Variants in CADM2 observed in about 807,000 individuals in gnomAD.
CADM2 encodes cell adhesion molecule 2, also known as immunoglobulin superfamily member 4D.
In CADM2, 12 loss-of-function variants were observed where a neutral mutation model predicts 49.8. That is an observed-to-expected ratio of 0.24 (90% CI 0.15 to 0.39). The LOEUF is 0.39. Among genes scored for constraint, CADM2 ranks in the 10% least tolerant of loss-of-function variants. CADM2 has a pLI of 1.00. For synonymous variants in CADM2, 214 were observed against 175.4 expected (o/e 1.22, Z -1.74); for missense variants, 378 against 492.3 (o/e 0.77, Z 2.20).
chr3:85,953,158 C>T (rs560255276), intron 7 of CADM2, among the ~76,000 whole-genome samples: 1 of 150,910 alleles, frequency 6.6e-6, no homozygotes, highest in South Asian at 2.1e-4. Context: ...TGGTGTTAAA[C>T]TAAAATAATA....
At chr3:85,408,512 G>A (rs541025847) in intron 1 of CADM2, among the ~76,000 whole-genome samples, 5 of 152,248 alleles carry the variant, frequency 3.3e-5, no homozygotes, top group African/African-American at 7.2e-5. Context: ...GTGAAATTGC[G>A]TAGCAACTAC....
chr3:85,444,445 A>T (rs932131655), intron 1 of CADM2, among the ~76,000 whole-genome samples: 5 of 147,404 alleles, frequency 3.4e-5, no homozygotes, highest in Non-Finnish European at 7.6e-5. Flanking sequence ...CTACACACTC[A>T]CACACACACA....
chr3:85,044,463 G>A (rs2035570395), intron 1 of CADM2, among the ~76,000 whole-genome samples: 1 of 152,270 alleles, frequency 6.6e-6, no homozygotes, highest in South Asian at 2.1e-4. Flanking sequence ...GGAAGGATCT[G>A]TTCTCTCTGC....
At chr3:85,746,308 A>G (rs80136075) in intron 2 of CADM2, among the ~76,000 whole-genome samples, 2 of 152,270 alleles carry the variant, frequency 1.3e-5, no homozygotes, top group African/African-American at 4.8e-5. Flanking sequence ...GATCATTAGC[A>G]CTGTTATCTT....
At chr3:85,383,041 C>T (rs917992977) in intron 1 of CADM2, among the ~76,000 whole-genome samples, 12 of 152,122 alleles carry the variant, frequency 7.9e-5, no homozygotes, top group African/African-American at 2.9e-4. Flanking sequence ...AGCTGAGTCT[C>T]AGCTAATCCC....
intron 1 of CADM2, among the ~76,000 whole-genome samples, chr3:85,083,251 G>A (rs1391772518): frequency 6.6e-6 from 1 of 152,098 alleles, no homozygotes; most frequent in Admixed American, 6.6e-5. Context: ...AGGTCAGAAA[G>A]GGGTAAAATT....
chr3:86,013,853 C>G, intron 8 of CADM2: 1 of 1,593,836 alleles, frequency 6.3e-7, no homozygotes, highest in Non-Finnish European at 8.6e-7. Flanking sequence ...GATTTTCTTC[C>G]AAAATGAAAG....
At chr3:85,360,188 G>A (rs1284483661) in intron 1 of CADM2, among the ~76,000 whole-genome samples, 4 of 152,074 alleles carry the variant, frequency 2.6e-5, no homozygotes, top group Admixed American at 1.3e-4. Context: ...ACTAAAGATA[G>A]CATTGAAAAC....
chr3:85,372,540 A>C (rs2033326478), intron 1 of CADM2, among the ~76,000 whole-genome samples: 1 of 151,992 alleles, frequency 6.6e-6, no homozygotes. Flanking sequence ...TCTAGAAACA[A>C]TTTTAACTAG....
intron 1 of CADM2, among the ~76,000 whole-genome samples, chr3:85,448,712 G>A (rs1559845687): frequency 6.6e-6 from 1 of 151,934 alleles, no homozygotes; most frequent in South Asian, 2.1e-4. Context: ...GGCACCAGTC[G>A]TCTCAGTACT....
intron 1 of CADM2, among the ~76,000 whole-genome samples, chr3:85,060,237 T>A (rs934995434): frequency 6.6e-6 from 1 of 152,122 alleles, no homozygotes; most frequent in Non-Finnish European, 1.5e-5. Context: ...TTCAAGTGAT[T>A]CTCCTGCCTA....
chr3:85,831,088 G>T (rs1459910898), intron 3 of CADM2, among the ~76,000 whole-genome samples: 1 of 151,776 alleles, frequency 6.6e-6, no homozygotes, highest in Non-Finnish European at 1.5e-5. Context: ...AGAACCTGTG[G>T]TATTTGGTTT....
At chr3:85,027,941 G>A (rs2034807728) in intron 1 of CADM2, among the ~76,000 whole-genome samples, 1 of 151,974 alleles carries the variant, frequency 6.6e-6, no homozygotes, top group Non-Finnish European at 1.5e-5. Context: ...TTTTAAAACA[G>A]ATACCATTTA....
intron 1 of CADM2, among the ~76,000 whole-genome samples, chr3:85,007,854 A>T (rs1175918330): frequency 6.6e-6 from 1 of 152,236 alleles, no homozygotes; most frequent in South Asian, 2.1e-4. Flanking sequence ...GAGATGACAA[A>T]TCTGTGTTAG....
At chr3:85,437,839 C>G (rs954834976) in intron 1 of CADM2, among the ~76,000 whole-genome samples, 1 of 151,802 alleles carries the variant, frequency 6.6e-6, no homozygotes, top group Non-Finnish European at 1.5e-5. Flanking sequence ...TTTCCTTCTT[C>G]TTAAACTATG....
intron 1 of CADM2, among the ~76,000 whole-genome samples, chr3:85,229,551 G>A (rs1286214273): frequency 1.3e-5 from 2 of 152,188 alleles, no homozygotes; most frequent in African/African-American, 4.8e-5. Flanking sequence ...ATTGCTAGGA[G>A]CTGCAGACCA....
chr3:85,568,453 T>TTTC lies in CADM2; in HGVS notation c.62-158068_62-158067insTCT, dbSNP rs2062354997. On this transcript the variant is annotated intron_variant, in intron 1 of 9. Coordinates refer to ENST00000383699, the MANE Select transcript of CADM2 (RefSeq NM_001167675.2). ...TTTCTTTCTTTCTTTCTTTCTTTCT[T>TTTC]TCTTTCTTTCTCTTTCTCTCTCTTT... Among the ~76,000 whole-genome samples, 17 of 27,576 alleles carry TTTC rather than the reference T, an allele frequency of 6.2e-4. 1 individual carries two copies. The highest frequency in any genetic ancestry group is 1.5e-3 in the African/African-American group (17 of 10,972). 18.1% of individuals were successfully genotyped at this position (27,576 alleles called of 152,430 possible).
chr3:85,469,230 T>A (rs2038658562), intron 1 of CADM2, among the ~76,000 whole-genome samples: 1 of 152,194 alleles, frequency 6.6e-6, no homozygotes, highest in African/African-American at 2.4e-5. Flanking sequence ...TAGCGACTAC[T>A]CTGTAAAACA....
chr3:85,255,462 T>C (rs2042864382), intron 1 of CADM2, among the ~76,000 whole-genome samples: 1 of 152,044 alleles, frequency 6.6e-6, no homozygotes, highest in Non-Finnish European at 1.5e-5. Context: ...AAGCCATACA[T>C]GAAGGCCCTA....
Sources: gnomAD v4.1 joint callset for allele counts (sites outside exome capture counted in the v4.1 genomes callset) on GRCh38, gnomAD v4.1.1 for gene constraint, MANE v1.5 for transcripts, NCBI Gene and HGNC (gene_info 2026-07-23, HGNC 2026-07-21) for gene names.